Variants in CERK observed in about 807,000 individuals in gnomAD.
CERK encodes acylsphingosine kinase.
CERK carries 39 observed loss-of-function variants against 63.4 expected under a neutral mutation model. The ratio of observed to expected loss-of-function variants is 0.61; its 90% CI spans 0.48 to 0.80. The LOEUF (loss-of-function observed/expected upper bound fraction) is 0.80. CERK is among the 30% of genes least tolerant of loss of function. The pLI, the probability that CERK is intolerant of heterozygous loss-of-function variation, is 0.00. For synonymous variants in CERK, 302 were observed against 280.0 expected, an observed-to-expected ratio of 1.08 and a Z score of -0.78; for missense variants, 670 against 714.1, an observed-to-expected ratio of 0.94 and a Z score of 0.70.
At chr22:46,731,228 G>C (rs2082943793) in intron 1 of CERK, among the ~76,000 whole-genome samples, 2 of 152,264 alleles carry the variant, frequency 1.3e-5, no homozygotes, top group South Asian at 4.1e-4. Context: ...TGCTGGAGTG[G>C]AGTAAGAGGA....
At chr22:46,696,983 G>A (rs1404305727) in intron 8 of CERK, among the ~76,000 whole-genome samples, 1 of 152,134 alleles carries the variant, frequency 6.6e-6, no homozygotes, top group Non-Finnish European at 1.5e-5. Context: ...AACCCAAACC[G>A]CTTCCTAAAA....
In CERK at chr22:46,714,107, C is replaced by T. The variant is rs532576019; in HGVS notation, c.380-1814G>A. On this transcript the variant is annotated intron_variant, in intron 3 of 12. Coordinates refer to ENST00000216264, the MANE Select transcript of CERK (RefSeq NM_022766.6). The surrounding 1 kb of genome is among the most constrained non-coding windows in gnomAD (Gnocchi z 4.4). ...GCAACATGGTGAAACCCTGTCTCTA[C>T]TAACAATACAAAAATTAGCTGGGAA... Among the ~76,000 whole-genome samples the T allele has an allele frequency of 6.6e-6, 1 of 152,266 alleles. No individual in the cohort carries two copies. Among genetic ancestry groups the T allele is most frequent in the African/African-American group, 2.4e-5 (1 of 41,540 alleles).
intron 7 of CERK, among the ~76,000 whole-genome samples, chr22:46,699,846 G>T (rs2082774843): frequency 6.6e-6 from 1 of 152,164 alleles, no homozygotes; most frequent in African/African-American, 2.4e-5. Context: ...CCCAGCACGT[G>T]GGGAGGCCGA....
intron 1 of CERK, among the ~76,000 whole-genome samples, chr22:46,730,462 G>C (rs145504309): frequency 1.2e-4 from 19 of 152,168 alleles, no homozygotes; most frequent in African/African-American, 4.3e-4. Context: ...GAAACTATTG[G>C]AACCAAAAGG....
At chr22:46,695,009 G>A (rs1041558176) in intron 9 of CERK, among the ~76,000 whole-genome samples, 5 of 152,210 alleles carry the variant, frequency 3.3e-5, no homozygotes, top group Non-Finnish European at 4.4e-5. Flanking sequence ...AGCTGCCTGC[G>A]CAGGCCATGG....
chr22:46,716,765 C>T (rs2082868470), intron 3 of CERK, among the ~76,000 whole-genome samples: 1 of 151,292 alleles, frequency 6.6e-6, no homozygotes, highest in Non-Finnish European at 1.5e-5. Flanking sequence ...ATAGCAAAAC[C>T]CCCTCTCTAC....
intron 1 of CERK, among the ~76,000 whole-genome samples, chr22:46,733,983 C>A (rs1051276407): frequency 6.6e-6 from 1 of 151,796 alleles, no homozygotes; most frequent in Non-Finnish European, 1.5e-5. Flanking sequence ...TTGCAGTGAG[C>A]CGAGACCTTG....
chr22:46,711,536 C>G (rs148410054), intron 4 of CERK, among the ~76,000 whole-genome samples: 1 of 152,288 alleles, frequency 6.6e-6, no homozygotes, highest in African/African-American at 2.4e-5. Flanking sequence ...CTGATGTAAA[C>G]TTCTATTGAA....
At position 46,724,053 on chromosome 22, in the gene CERK, ACCT is replaced by A. The variant is rs376069358; in HGVS notation, c.143-3041_143-3039del. ...ACTTGCCTCTCTTGCCTCCCCTTCCACCTCCTCCGTCTTCTCCACCTCCACCAC... is the reference window on the plus strand; with the variant it reads ...ACTTGCCTCTCTTGCCTCCCCTTCCACCTCCGTCTTCTCCACCTCCACCAC... On this transcript the variant is annotated intron_variant, in intron 1 of 12. Coordinates refer to ENST00000216264, the MANE Select transcript of CERK (RefSeq NM_022766.6). Among the ~76,000 whole-genome samples the A allele has an allele frequency of 7.1e-4, 108 of 151,060 alleles. No homozygotes were observed. The East Asian group carries it at 0.016, about 23-fold the overall frequency.
At position 46,707,913 on chromosome 22, in the gene CERK, G is replaced by A. The variant is rs201052131; in HGVS notation, c.645C>T (p.Ala215=). 381 of 1,613,924 alleles carry A rather than the reference G, an allele frequency of 2.4e-4. 2 individuals are homozygous for A. In the East Asian group the frequency reaches 4.7e-3, roughly 20 times the overall value. ...CCCGGGGGTGGTTCTGGTCGACCCC[G>A]GCGCTCCTCTGCGTCCTCCCAATCA... is the stretch of plus-strand genomic sequence containing the variant. ...HGLIGRTQRS[A]GVDQNHPRAV... is the part of the protein sequence containing the mutation. The change falls in exon 6 of 13, where the codon GCC becomes GCT. Residue 215 remains alanine, a synonymous_variant. Coordinates refer to ENST00000216264, the MANE Select transcript of CERK (RefSeq NM_022766.6).
intron 5 of CERK, among the ~76,000 whole-genome samples, chr22:46,710,769 T>G (rs1464499058): frequency 6.6e-6 from 1 of 152,228 alleles, no homozygotes; most frequent in Non-Finnish European, 1.5e-5. Flanking sequence ...CGACAGCATC[T>G]AAACATTCTT....
chr22:46,725,578 C>T (rs945155998), intron 1 of CERK, among the ~76,000 whole-genome samples: 2 of 152,150 alleles, frequency 1.3e-5, no homozygotes, highest in South Asian at 2.1e-4. Context: ...TTGCAAAGGG[C>T]GGAAGGTGGG....
chr22:46,737,887 A>C, intron 1 of CERK, 120 bp downstream of exon 1: 10 of 465,748 alleles, frequency 2.1e-5, no homozygotes, highest in African/African-American at 2.2e-5. Context: ...CTGCGCTCCC[A>C]GGGCCCCCGG....
chr22:46,689,221 C>T (rs80119115), intron 12 of CERK, among the ~76,000 whole-genome samples: 1,938 of 152,382 alleles, frequency 0.013, 41 homozygotes, highest in African/African-American at 0.044. Context: ...TCCTTCCCAT[C>T]CTCGGGGTGC....
chr22:46,729,703 A>C (rs554002102), intron 1 of CERK, among the ~76,000 whole-genome samples: 2 of 152,308 alleles, frequency 1.3e-5, no homozygotes, highest in South Asian at 4.1e-4. Flanking sequence ...AAGACGTCAA[A>C]CCTGAGATGA....
intron 1 of CERK, among the ~76,000 whole-genome samples, chr22:46,737,307 CA>C (rs956392105): frequency 1.3e-3 from 182 of 136,848 alleles, no homozygotes; most frequent in African/African-American, 5.1e-3. Flanking sequence ...AAAAAAAAAA[CA>C]AAAAACAAAC....
chr22:46,730,262 A>G (rs1041177284), intron 1 of CERK, among the ~76,000 whole-genome samples: 2 of 151,338 alleles, frequency 1.3e-5, no homozygotes, highest in African/African-American at 4.9e-5. Context: ...TACTAAAAAA[A>G]AAAAAAAAAA....
At position 46,689,962 on chromosome 22, in the gene CERK, C is replaced by G. The variant is rs527304671; in HGVS notation, c.1541+30G>C. 3.2e-6 allele frequency: 5 copies of G among 1,549,194 alleles called. No homozygotes were observed. The African/African-American group carries it at 5.4e-5, about 17-fold the overall frequency. The stretch of plus-strand genomic sequence containing the variant: ...GACACCTCAGGGCTCAAGGGGATGG[C>G]GCTGGTGGCTGGAGGACCCCTGCAC... On this transcript the variant is annotated intron_variant, in intron 12 of 12. Transcript: ENST00000216264.
chr22:46,715,050 T>C (rs1569326178), intron 3 of CERK, among the ~76,000 whole-genome samples: 1 of 151,400 alleles, frequency 6.6e-6, no homozygotes, highest in Non-Finnish European at 1.5e-5. Flanking sequence ...TCAAATTAAA[T>C]ACCCATTCTC....
Sources: gnomAD v4.1 joint callset for allele counts (sites outside exome capture counted in the v4.1 genomes callset) on GRCh38, gnomAD v4.1.1 for gene constraint, Gnocchi (gnomAD v3.1) non-coding constraint, MANE v1.5 for transcripts, NCBI Gene and HGNC (gene_info 2026-07-23, HGNC 2026-07-21) for gene names.